LSAMP: variants seen among roughly 807,000 people sequenced by gnomAD.
LSAMP encodes limbic system-associated membrane protein.
A neutral mutation model predicts 38.6 loss-of-function variants in LSAMP; 7 were observed. The observed-to-expected ratio is 0.18, with a 90% confidence interval of 0.10 to 0.34. The LOEUF is 0.34. Among genes scored for constraint, LSAMP ranks in the 10% least tolerant of loss-of-function variants. The pLI is 1.00. For synonymous variants in LSAMP, 154 were observed against 166.8 expected, an observed-to-expected ratio of 0.92 and a Z score of 0.59; for missense variants, 313 against 420.0, an observed-to-expected ratio of 0.75 and a Z score of 2.23.
At chr3:116,429,825 G>C (rs1004270692) in intron 1 of LSAMP, among the ~76,000 whole-genome samples, 1 of 152,162 alleles carries the variant, frequency 6.6e-6, no homozygotes, top group Non-Finnish European at 1.5e-5. Flanking sequence ...CTCTTTGGGG[G>C]AGTAAAGAGT....
At chr3:116,033,326 C>A (rs1251977077) in intron 2 of LSAMP, among the ~76,000 whole-genome samples, 1 of 152,134 alleles carries the variant, frequency 6.6e-6, no homozygotes, top group Non-Finnish European at 1.5e-5. Context: ...GGGCAAGCCT[C>A]TCATTAATCT....
At chr3:116,037,290 G>A (rs1002219850) in intron 2 of LSAMP, among the ~76,000 whole-genome samples, 2 of 152,074 alleles carry the variant, frequency 1.3e-5, no homozygotes, top group African/African-American at 4.8e-5. Context: ...CTATTTTTAA[G>A]GCCAACCAGG....
At chr3:116,009,370 C>A (rs934877962) in intron 3 of LSAMP, among the ~76,000 whole-genome samples, 10 of 152,120 alleles carry the variant, frequency 6.6e-5, no homozygotes, top group Non-Finnish European at 1.0e-4. Context: ...TTCTTCAGAT[C>A]ATTTCCTAGC....
intron 3 of LSAMP, among the ~76,000 whole-genome samples, chr3:115,956,118 A>G (rs1938446671): frequency 1.3e-5 from 2 of 152,042 alleles, no homozygotes; most frequent in Non-Finnish European, 2.9e-5. Flanking sequence ...ATTCTTTATG[A>G]TAACTTTTAG....
intron 1 of LSAMP, among the ~76,000 whole-genome samples, chr3:116,289,891 T>A (rs898984906): frequency 6.6e-6 from 1 of 152,242 alleles, no homozygotes; most frequent in African/African-American, 2.4e-5. Context: ...AGCCTGAAGC[T>A]AAACCTGGAT....
chr3:116,219,552 A>G (rs1018428365), intron 1 of LSAMP, among the ~76,000 whole-genome samples: 1 of 152,186 alleles, frequency 6.6e-6, no homozygotes, highest in Admixed American at 6.5e-5. Context: ...TAGTGGCTAC[A>G]CCATTTTGCA....
intron 3 of LSAMP, among the ~76,000 whole-genome samples, chr3:115,882,923 G>A (rs182939942): frequency 6.6e-6 from 1 of 152,070 alleles, no homozygotes; most frequent in East Asian, 1.9e-4. Flanking sequence ...GTATCCTTAT[G>A]CTCAGGTTAT....
chr3:116,047,306 A>G (rs935026505), intron 2 of LSAMP, among the ~76,000 whole-genome samples: 4 of 152,056 alleles, frequency 2.6e-5, no homozygotes, highest in Admixed American at 2.0e-4. Context: ...CAAATATTTC[A>G]AAGAGTGGTA....
chr3:116,219,991 A>G (rs2046262796), intron 1 of LSAMP, among the ~76,000 whole-genome samples: 1 of 152,134 alleles, frequency 6.6e-6, no homozygotes, highest in South Asian at 2.1e-4. Context: ...CCTGGGGAAA[A>G]TGGTGAAGTC....
intron 1 of LSAMP, among the ~76,000 whole-genome samples, chr3:116,421,543 TAA>T (rs113227325): frequency 7.3e-6 from 1 of 136,456 alleles, no homozygotes; most frequent in Non-Finnish European, 1.6e-5. Context: ...AGATTCTGTC[TAA>T]AAAAAAAAAA....
At chr3:115,904,988 C>T (rs906547938) in intron 3 of LSAMP, among the ~76,000 whole-genome samples, 2 of 152,070 alleles carry the variant, frequency 1.3e-5, no homozygotes, top group African/African-American at 4.8e-5. Flanking sequence ...TTGTTTTCCT[C>T]ATGATGTTTT....
chr3:116,179,539 A>AC (rs774490168), intron 1 of LSAMP, among the ~76,000 whole-genome samples: 54 of 152,156 alleles, frequency 3.5e-4, no homozygotes, highest in Non-Finnish European at 6.5e-4. Context: ...TACAGACTGT[A>AC]CAGGAGCATA....
At chr3:115,879,757 A>G (rs2090360) in intron 3 of LSAMP, among the ~76,000 whole-genome samples, 101,963 of 151,862 alleles carry the variant, frequency 0.67, 34,417 homozygotes, top group Middle Eastern at 0.76. Context: ...TAAGAAAGAG[A>G]CTAACTTTTC....
chr3:116,301,062 C>G (rs1444434016), intron 1 of LSAMP, among the ~76,000 whole-genome samples: 1 of 151,678 alleles, frequency 6.6e-6, no homozygotes, highest in Non-Finnish European at 1.5e-5. Flanking sequence ...GTATCTTTTT[C>G]ACATACTTTG....
chr3:115,818,810 A>ATATATATATATATATATATATATATATG (rs1934126185), intron 6 of LSAMP, among the ~76,000 whole-genome samples: 1 of 119,456 alleles, frequency 8.4e-6, no homozygotes, highest in African/African-American at 2.8e-5. Flanking sequence ...ATATATATAT[A>ATATATATATATATATATATATATATATG]TATATATATA....
intron 1 of LSAMP, among the ~76,000 whole-genome samples, chr3:116,115,972 A>G (rs1037187096): frequency 2.6e-5 from 4 of 151,642 alleles, no homozygotes; most frequent in African/African-American, 7.3e-5. Flanking sequence ...ACTTATATTC[A>G]GTTCAGGAAA....
intron 1 of LSAMP, among the ~76,000 whole-genome samples, chr3:116,096,419 T>C (rs1189406491): frequency 6.6e-6 from 1 of 152,250 alleles, no homozygotes; most frequent in African/African-American, 2.4e-5. Context: ...AAACCCCCTT[T>C]TAGGGGCTTG....
chr3:115,979,068 A>T (rs1251439740), intron 3 of LSAMP, among the ~76,000 whole-genome samples: 4 of 152,300 alleles, frequency 2.6e-5, no homozygotes, highest in Non-Finnish European at 4.4e-5. Flanking sequence ...GCATGAATAA[A>T]GAGATATTGA....
At chr3:116,332,347 T>C (rs1458737094) in intron 1 of LSAMP, among the ~76,000 whole-genome samples, 1 of 152,104 alleles carries the variant, frequency 6.6e-6, no homozygotes, top group Non-Finnish European at 1.5e-5. Flanking sequence ...CATCAACAAC[T>C]GAAAGAGGTG....
Sources: allele counts gnomAD v4.1 joint callset (sites outside exome capture counted in the v4.1 genomes callset), GRCh38; gene constraint gnomAD v4.1.1; transcripts MANE v1.5; gene names NCBI Gene and HGNC (gene_info 2026-07-23, HGNC 2026-07-21).